NOTCH2NLC: variants seen among roughly 807,000 people sequenced by gnomAD.
NOTCH2NLC encodes the protein notch homolog 2 N-terminal-like protein C.
NOTCH2NLC carries 4 observed loss-of-function variants against 17.7 expected under a neutral mutation model. The ratio of observed to expected loss-of-function variants is 0.23; its 90% CI spans 0.11 to 0.52. The LOEUF is 0.52. NOTCH2NLC is among the 20% of genes least tolerant of loss of function. The pLI is 0.96. For missense variants in NOTCH2NLC, 57 were observed against 207.2 expected (o/e 0.28, Z 4.45); for synonymous variants, 18 against 86.0 (o/e 0.21, Z 4.38).
intron 1 of NOTCH2NLC, among the ~76,000 whole-genome samples, chr1:149,395,152 ATTG>A (rs1159090490): frequency 1.3e-5 from 2 of 149,120 alleles, no homozygotes; most frequent in Non-Finnish European, 3.0e-5. Context: ...TCAAGTGCTT[ATTG>A]TTAATGCGTA....
At chr1:149,429,681 C>A (rs1253912360) in intron 1 of NOTCH2NLC, among the ~76,000 whole-genome samples, 1 of 151,300 alleles carries the variant, frequency 6.6e-6, no homozygotes, top group South Asian at 2.1e-4. Flanking sequence ...CAATACTAGG[C>A]TTTTATGCAG....
Position 149,445,544 on chromosome 1 carries a change from T to C in NOTCH2NLC, c.210-9774T>C, listed in dbSNP as rs1422104255. Reference sequence around the variant, plus strand: ...TCCCCTGCCCTTACCTCATTTACCTTAACGACAGCTCCCCCCTCTAGAGCT... The same window carrying C: ...TCCCCTGCCCTTACCTCATTTACCTCAACGACAGCTCCCCCCTCTAGAGCT... On this transcript the variant is annotated intron_variant, in intron 2 of 4. Transcript: ENST00000650865. Among the ~76,000 whole-genome samples the C allele has an allele frequency of 9.8e-3, 1,462 of 149,052 alleles. 47 individuals are homozygous for C. The highest frequency in any genetic ancestry group is 0.015 in the Non-Finnish European group (1,002 of 66,756).
chr1:149,432,626 TGTG>T (rs1436486463), intron 2 of NOTCH2NLC, among the ~76,000 whole-genome samples: 7 of 151,132 alleles, frequency 4.6e-5, no homozygotes, highest in Non-Finnish European at 1.0e-4. Context: ...TAACTACTCT[TGTG>T]GTAGTTAACC....
chr1:149,396,359 TGTG>T (rs1387672732), intron 1 of NOTCH2NLC, among the ~76,000 whole-genome samples: 1 of 134,708 alleles, frequency 7.4e-6, no homozygotes, highest in Non-Finnish European at 1.6e-5. Context: ...GAACATCTCT[TGTG>T]GTAGACAGCT....
chr1:149,417,431 G>A (rs1315992995), intron 1 of NOTCH2NLC, among the ~76,000 whole-genome samples: 11 of 151,356 alleles, frequency 7.3e-5, no homozygotes, highest in South Asian at 2.1e-4. Flanking sequence ...TTCTAACTGC[G>A]TATTTACAGA....
intron 1 of NOTCH2NLC, among the ~76,000 whole-genome samples, chr1:149,419,995 T>C (rs1242629732): frequency 1.4e-5 from 2 of 143,354 alleles, no homozygotes; most frequent in African/African-American, 2.5e-5. Context: ...GACTCCCTAG[T>C]AGCTGGGACT....
At chr1:149,423,356 C>T (rs2084389335) in intron 1 of NOTCH2NLC, among the ~76,000 whole-genome samples, 1 of 150,850 alleles carries the variant, frequency 6.6e-6, no homozygotes, top group Non-Finnish European at 1.5e-5. Context: ...TTCCGCACTT[C>T]TTCTGTTTGT....
Position 149,445,642 on chromosome 1 carries a change from A to C in NOTCH2NLC, c.210-9676A>C, listed in dbSNP as rs1310716367. Among the ~76,000 whole-genome samples the C allele has an allele frequency of 4.6e-5, 7 of 151,260 alleles. No individual in the cohort carries two copies. The South Asian group carries it at 1.5e-3, about 32-fold the overall frequency. On this transcript the variant is annotated intron_variant, in intron 2 of 4. Coordinates refer to ENST00000650865, the MANE Select transcript of NOTCH2NLC (RefSeq NM_001364013.2). ...GGCAAGAAGAAAGTGGGTTGAAAGC[A>C]GAGTTCTGTTTAAAGAATTTTCTGC...
At position 149,417,097 on chromosome 1, in the gene NOTCH2NLC, C is replaced by CTTTTTT. The variant is rs1171555647; in HGVS notation, c.136-13820_136-13815dup. ...AGATTATGGTGGATATCAGGTTTTC[C>CTTTTTT]TTTTTTTTTTTTTTTTTTTTTTTTT... is the stretch of plus-strand genomic sequence containing the variant. On this transcript the variant is annotated intron_variant, in intron 1 of 4. Coordinates refer to ENST00000650865, the MANE Select transcript of NOTCH2NLC (RefSeq NM_001364013.2). Among the ~76,000 whole-genome samples, 29 of 69,592 alleles carry CTTTTTT rather than the reference C, an allele frequency of 4.2e-4. 1 individual carries two copies. Among genetic ancestry groups the CTTTTTT allele is most frequent in the East Asian group, 1.0e-3 (2 of 1,964 alleles). 45.7% of individuals were successfully genotyped at this position (69,592 alleles called of 152,430 possible).
At chr1:149,401,409 C>A (rs2101465809) in intron 1 of NOTCH2NLC, among the ~76,000 whole-genome samples, 1 of 130,712 alleles carries the variant, frequency 7.7e-6, no homozygotes, top group African/African-American at 2.8e-5. Flanking sequence ...TGAAGGATTA[C>A]AATATTTTCT....
At chr1:149,417,355 G>A (rs2084342198) in intron 1 of NOTCH2NLC, among the ~76,000 whole-genome samples, 1 of 150,898 alleles carries the variant, frequency 6.6e-6, no homozygotes, top group African/African-American at 2.4e-5. Flanking sequence ...TGATCCGCCT[G>A]CCTCGGCCTC....
chr1:149,406,442 T>G (rs1290781017), intron 1 of NOTCH2NLC: 6 of 149,650 alleles, frequency 4.0e-5, no homozygotes, highest in Non-Finnish European at 9.0e-5. Flanking sequence ...AGTCAATAGT[T>G]GAATGTTGAA....
In NOTCH2NLC at chr1:149,398,195, G is replaced by C. The variant is rs1217351822; in HGVS notation, c.135+7273G>C. ...GCTTGTCTGCTGTCGTGAGCTGTCT[G>C]CCATTTTCCTCTTTCTTTGTTGTAA... is the stretch of plus-strand genomic sequence containing the variant. On this transcript the variant is annotated intron_variant, in intron 1 of 4. Coordinates refer to ENST00000650865, the MANE Select transcript of NOTCH2NLC (RefSeq NM_001364013.2). 6.6e-5 allele frequency among the ~76,000 whole-genome samples: 10 copies of C among 151,052 alleles called. 1 individual carries two copies. Among genetic ancestry groups the C allele is most frequent in the Non-Finnish European group, 1.0e-4 (7 of 67,622 alleles).
At chr1:149,394,595 G>A (rs2084194832) in intron 1 of NOTCH2NLC, among the ~76,000 whole-genome samples, 1 of 150,028 alleles carries the variant, frequency 6.7e-6, no homozygotes, top group Non-Finnish European at 1.5e-5. Context: ...GTTGTTTTTT[G>A]ACCCTTTATC....
rs1320862155 is a variant in NOTCH2NLC at position 149,466,349 on chromosome 1, C to T, written c.*2196C>T. 5 of 145,132 alleles carry T rather than the reference C, an allele frequency of 3.4e-5. No homozygotes were observed. In the East Asian group the frequency reaches 1.0e-3, roughly 30 times the overall value. 9.0% of individuals were successfully genotyped at this position (145,132 alleles called of 1,614,324 possible). ...TAGACTAGTTCTTGCTTTTCAGGGT[C>T]CCATAATCTAAACCAGATGACTTCA... On this transcript the variant is annotated 3_prime_UTR_variant, in exon 5 of 5. Transcript: ENST00000650865.
chr1:149,398,718 T>C lies in NOTCH2NLC; in HGVS notation c.135+7796T>C, dbSNP rs1276519655. Among the ~76,000 whole-genome samples the C allele has an allele frequency of 3.8e-4, 57 of 151,174 alleles. 1 individual carries two copies. The highest frequency in any genetic ancestry group is 1.2e-3 in the African/African-American group (50 of 41,172). ...GCCATGGTACCCCGGGTCCTCTGGC[T>C]AGGCAGTGAGGGGCTGGGTTTTTCT... On this transcript the variant is annotated intron_variant, in intron 1 of 4. Transcript: ENST00000650865.
intron 1 of NOTCH2NLC, among the ~76,000 whole-genome samples, chr1:149,409,279 T>G (rs1167533471): frequency 2.7e-5 from 4 of 150,476 alleles, no homozygotes; most frequent in Non-Finnish European, 5.9e-5. Flanking sequence ...TTAAAAAATT[T>G]GAATATCTGA....
At chr1:149,399,201 T>C (rs1432738390) in intron 1 of NOTCH2NLC, among the ~76,000 whole-genome samples, 3 of 151,340 alleles carry the variant, frequency 2.0e-5, no homozygotes, top group Non-Finnish European at 4.4e-5. Flanking sequence ...TTTAAAATTG[T>C]TGTTTGCTTC....
intron 1 of NOTCH2NLC, among the ~76,000 whole-genome samples, chr1:149,392,840 G>T (rs2084180251): frequency 6.6e-6 from 1 of 150,932 alleles, no homozygotes; most frequent in Non-Finnish European, 1.5e-5. Context: ...GGGAGGCCGA[G>T]GCGGGCGGAT....
Sources: gnomAD v4.1 joint callset for allele counts (sites outside exome capture counted in the v4.1 genomes callset) on GRCh38, gnomAD v4.1.1 for gene constraint, MANE v1.5 for transcripts, NCBI Gene and HGNC (gene_info 2026-07-23, HGNC 2026-07-21) for gene names.